CTIF: variants seen among roughly 807,000 people sequenced by gnomAD.
The protein encoded by CTIF is cap binding complex dependent translation initiation factor, also known as CBP80/20-dependent translation initiation factor.
Under a neutral mutation model 66.0 loss-of-function variants are expected in CTIF, and 21 were observed. The observed-to-expected ratio is 0.32, with a 90% CI of 0.23 to 0.46. CTIF has a LOEUF of 0.46. CTIF is among the 20% of genes least tolerant of loss of function. CTIF has a pLI of 1.00. For missense variants in CTIF, 739 were observed against 812.7 expected, an observed-to-expected ratio of 0.91 and a Z score of 1.10; for synonymous variants, 345 against 326.4, an observed-to-expected ratio of 1.06 and a Z score of -0.62.
intron 1 of CTIF, among the ~76,000 whole-genome samples, chr18:48,573,162 C>T (rs989132204): frequency 6.6e-6 from 1 of 152,142 alleles, no homozygotes; most frequent in Non-Finnish European, 1.5e-5. Context: ...CTGGACTGCA[C>T]TAAGAGGCAT....
chr18:48,786,093 C>G (rs1256853053), intron 9 of CTIF, among the ~76,000 whole-genome samples: 1 of 152,150 alleles, frequency 6.6e-6, no homozygotes, highest in Non-Finnish European at 1.5e-5. Context: ...GCTGGATATA[C>G]CTGTACAGAC....
chr18:48,672,393 G>T (rs949088703), intron 6 of CTIF, among the ~76,000 whole-genome samples: 1 of 152,180 alleles, frequency 6.6e-6, no homozygotes, highest in Non-Finnish European at 1.5e-5. Flanking sequence ...AGGACTCCTG[G>T]CCTCTGCCAC....
At chr18:48,747,218 C>T (rs1907306627) in intron 7 of CTIF, among the ~76,000 whole-genome samples, 1 of 152,198 alleles carries the variant, frequency 6.6e-6, no homozygotes, top group African/African-American at 2.4e-5. Context: ...TTAGCTCAAA[C>T]GTGGTTTTCA....
rs566322421 is a variant in CTIF, at chr18:48,779,397, G to GAC, written c.1371+17709_1371+17710insCA. Among the ~76,000 whole-genome samples, 214 of 152,338 alleles carry GAC rather than the reference G, an allele frequency of 1.4e-3. 1 individual carries two copies. Among genetic ancestry groups the GAC allele is most frequent in the Middle Eastern group, 3.4e-3 (1 of 294 alleles). On this transcript the variant is annotated intron_variant, in intron 9 of 11. Coordinates refer to ENST00000256413, the MANE Select transcript of CTIF (RefSeq NM_014772.3). Reference sequence around the variant, plus strand: ...TCACGCAGCTGGTCAGTGACAGACAGAACTGGAGCCAAGTCCCTGGTACCC... The same window carrying GAC: ...TCACGCAGCTGGTCAGTGACAGACAGACAACTGGAGCCAAGTCCCTGGTACCC...
chr18:48,817,731 G>A (rs915485419), intron 10 of CTIF, among the ~76,000 whole-genome samples: 1 of 150,778 alleles, frequency 6.6e-6, no homozygotes, highest in Non-Finnish European at 1.5e-5. Flanking sequence ...AGCCGAGATC[G>A]CACACTGCAC....
chr18:48,591,024 G>A (rs2089875588), intron 1 of CTIF, among the ~76,000 whole-genome samples: 1 of 152,196 alleles, frequency 6.6e-6, no homozygotes, highest in African/African-American at 2.4e-5. Context: ...AAGCCCCTGG[G>A]ACCTGCTCTC....
At position 48,685,534 on chromosome 18, in the gene CTIF, C is replaced by G. The variant is rs554542148; in HGVS notation, c.507+14790C>G. ...CACCACTCTCGGCTGAGTATGTGCA[C>G]TTTTTAAGGGAATACCACAGAAATG... On this transcript the variant is annotated intron_variant, in intron 6 of 11. Transcript: ENST00000256413. Among the ~76,000 whole-genome samples the G allele has an allele frequency of 3.3e-5, 5 of 151,926 alleles. No individual in the cohort carries two copies. The South Asian group carries it at 1.0e-3, about 32-fold the overall frequency.
At chr18:48,630,832 C>T (rs34540277) in intron 2 of CTIF, among the ~76,000 whole-genome samples, 82,795 of 151,660 alleles carry the variant, frequency 0.55, 25,846 homozygotes, top group East Asian at 0.85. Flanking sequence ...CCTGCAACCA[C>T]GCCTGGCTAA....
At chr18:48,763,948 CAA>C (rs1909259442) in intron 9 of CTIF, among the ~76,000 whole-genome samples, 1 of 152,094 alleles carries the variant, frequency 6.6e-6, no homozygotes, top group South Asian at 2.1e-4. Context: ...GGGACCAGCC[CAA>C]GAGACCTAGT....
chr18:48,673,100 C>T (rs2091563306), intron 6 of CTIF, among the ~76,000 whole-genome samples: 3 of 152,190 alleles, frequency 2.0e-5, no homozygotes, highest in Admixed American at 6.5e-5. Context: ...CCCCAGAGCC[C>T]CTGCCCCCAT....
chr18:48,790,548 G>T (rs181726850), intron 9 of CTIF, among the ~76,000 whole-genome samples: 1 of 152,092 alleles, frequency 6.6e-6, no homozygotes, highest in African/African-American at 2.4e-5. Context: ...CCGGACACAC[G>T]TACCCCACCA....
chr18:48,730,095 A>G (rs938090291), intron 7 of CTIF, among the ~76,000 whole-genome samples: 2 of 152,198 alleles, frequency 1.3e-5, no homozygotes, highest in African/African-American at 4.8e-5. Context: ...ACCCATTACA[A>G]TTAAATAAAG....
At chr18:48,687,828 C>T (rs980388372) in intron 6 of CTIF, among the ~76,000 whole-genome samples, 3 of 152,182 alleles carry the variant, frequency 2.0e-5, no homozygotes, top group Non-Finnish European at 4.4e-5. Context: ...TCTCTGCAGC[C>T]GCCTGAGTCC....
At chr18:48,749,140 A>G (rs1304165522) in intron 7 of CTIF, among the ~76,000 whole-genome samples, 1 of 152,248 alleles carries the variant, frequency 6.6e-6, no homozygotes, top group Non-Finnish European at 1.5e-5. Context: ...CCAAGGTGGT[A>G]AGATTAAAAC....
intron 9 of CTIF, among the ~76,000 whole-genome samples, chr18:48,799,675 C>A (rs1184117197): frequency 6.6e-6 from 1 of 152,148 alleles, no homozygotes; most frequent in Non-Finnish European, 1.5e-5. Flanking sequence ...GGGACTTCCC[C>A]ATTAATATAG....
chr18:48,621,432 G>A lies in CTIF; in HGVS notation c.180+1687G>A, dbSNP rs139647854. ...CAGAGGATGAGGGAGGGAGAGCTGCGGAGATGAGTCAGAGGGATGATGAGG... is the reference window on the plus strand; with the variant it reads ...CAGAGGATGAGGGAGGGAGAGCTGCAGAGATGAGTCAGAGGGATGATGAGG... On this transcript the variant is annotated intron_variant, in intron 2 of 11. Coordinates refer to ENST00000256413, the MANE Select transcript of CTIF (RefSeq NM_014772.3). 1.6e-3 allele frequency: 399 copies of A among 251,782 alleles called. 3 individuals carry two copies. The highest frequency in any genetic ancestry group is 8.5e-3 in the African/African-American group (360 of 42,130). The allele number at this position is 251,782 out of a possible 1,614,324, so 15.6% of individuals were successfully genotyped here. A position where few individuals can be genotyped will look rare whatever the true frequency, so the allele number is the denominator to read the frequency against.
At chr18:48,820,967 A>G (rs1232137869) in intron 10 of CTIF, among the ~76,000 whole-genome samples, 1 of 152,196 alleles carries the variant, frequency 6.6e-6, no homozygotes, top group Non-Finnish European at 1.5e-5. Flanking sequence ...CTTAGTCCCC[A>G]GGCGCCTCAG....
chr18:48,729,631 C>T (rs961030678), intron 7 of CTIF, among the ~76,000 whole-genome samples: 7 of 152,202 alleles, frequency 4.6e-5, no homozygotes, highest in African/African-American at 1.4e-4. Context: ...GACATCCAGA[C>T]GTCTGGATTC....
intron 6 of CTIF, among the ~76,000 whole-genome samples, chr18:48,680,055 T>G (rs550717829): frequency 1.4e-4 from 22 of 152,196 alleles, no homozygotes; most frequent in African/African-American, 5.1e-4. Context: ...AGCAAGGAAA[T>G]GCAGGATGGA....
Sources: allele counts gnomAD v4.1 joint callset (sites outside exome capture counted in the v4.1 genomes callset), GRCh38; gene constraint gnomAD v4.1.1; transcripts MANE v1.5; gene names NCBI Gene and HGNC (gene_info 2026-07-23, HGNC 2026-07-21).